The following GLUD1 variants were observed in gnomAD, a reference collection of about 807,000 sequenced individuals.
The protein encoded by GLUD1 is glutamate dehydrogenase 1, also known as glutamate dehydrogenase 1, mitochondrial.
Under a neutral mutation model 56.0 loss-of-function variants are expected in GLUD1, and 22 were observed. The observed-to-expected ratio is 0.39, with a 90% CI of 0.28 to 0.56. The LOEUF (loss-of-function observed/expected upper bound fraction) is 0.56, where lower values mean the gene tolerates loss of function less well. GLUD1 is among the 20% of genes least tolerant of loss of function. The probability of loss-of-function intolerance (pLI) is 0.58; values close to 1 mark genes in which losing one functional copy is unlikely to be tolerated. For missense variants in GLUD1, 451 were observed against 732.0 expected (o/e 0.62, Z 4.43); for synonymous variants, 223 against 269.9 (o/e 0.83, Z 1.70).
intron 9 of GLUD1, among the ~76,000 whole-genome samples, chr10:87,059,476 G>GA (rs35013042): frequency 3.3e-4 from 50 of 150,018 alleles, no homozygotes; most frequent in East Asian, 1.6e-3. Context: ...TTCTATTTAG[G>GA]AAAAAAAAAA....
chr10:87,053,280 T>G, intron 12 of GLUD1, 62 bp downstream of exon 12: 1 of 1,052,398 alleles, frequency 9.5e-7, no homozygotes, highest in Middle Eastern at 2.0e-4. Context: ...GCGGCTGAGA[T>G]AGCATGGTTG....
intron 1 of GLUD1, among the ~76,000 whole-genome samples, chr10:87,077,801 A>G (rs1846440766): frequency 6.6e-6 from 1 of 151,936 alleles, no homozygotes; most frequent in Non-Finnish European, 1.5e-5. Context: ...AAGGATACCC[A>G]CAAGAAGCTG....
intron 1 of GLUD1, among the ~76,000 whole-genome samples, chr10:87,088,339 T>C (rs943691287): frequency 6.6e-6 from 1 of 151,900 alleles, no homozygotes; most frequent in Non-Finnish European, 1.5e-5. Flanking sequence ...AATAAAAAAA[T>C]TCAACTTTGT....
intron 1 of GLUD1, among the ~76,000 whole-genome samples, chr10:87,083,167 T>C (rs1477576874): frequency 6.6e-6 from 1 of 151,280 alleles, no homozygotes; most frequent in East Asian, 1.9e-4. Context: ...GAGCTGAGAT[T>C]GTACCACTGC....
intron 10 of GLUD1, 56 bp downstream of exon 10, chr10:87,059,093 CA>C: frequency 1.2e-6 from 2 of 1,601,886 alleles, no homozygotes; most frequent in South Asian, 2.2e-5. Flanking sequence ...GACCTTTTTA[CA>C]GCCTTTCAGC....
rs201376212 is a variant in GLUD1 at position 87,059,277 on chromosome 10, T to C, written c.1279-4A>G. ...CTCCAGCATTCAAGTAGAGATCCTA[T>C]GCACAAAAATAAGACAAAGAAATTA... On this transcript the variant is annotated splice_region_variant and splice_polypyrimidine_tract_variant and intron_variant, in intron 9 of 12. Coordinates refer to ENST00000277865, the MANE Select transcript of GLUD1 (RefSeq NM_005271.5). The C allele has an allele frequency of 6.2e-7, 1 of 1,613,486 alleles. No homozygotes were observed. The highest frequency in any genetic ancestry group is 2.2e-5 in the East Asian group (1 of 44,858).
chr10:87,077,397 C>T (rs982008572), intron 1 of GLUD1, among the ~76,000 whole-genome samples: 1 of 152,032 alleles, frequency 6.6e-6, no homozygotes, highest in African/African-American at 2.4e-5. Context: ...GAGGTTTTGG[C>T]TTCAAATGGG....
rs2133827434 is a variant in GLUD1, at chr10:87,075,982, G to A, written c.568C>T (p.Pro190Ser). The change falls in exon 3 of 13, where the codon CCC becomes TCC. Residue 190 changes from proline to serine, a missense_variant. Pro to Ser is a moderately conservative substitution (Grantham distance 74). Transcript: ENST00000277865. ...TTCATACTTACAGTATAGTTCTTGG[G>A]ATTGATCTTAACACCAGCTTTAGCA... is the stretch of plus-strand genomic sequence containing the variant. ...GGAKAGVKIN[P>S]KNYTDNELEK... 1.3e-6 allele frequency: 2 copies of A among 1,591,820 alleles called. No homozygotes were observed. The highest frequency in any genetic ancestry group is 2.2e-5 in the East Asian group (1 of 44,822).
At chr10:87,072,454 C>T (rs1446602838) in intron 4 of GLUD1, among the ~76,000 whole-genome samples, 1 of 152,112 alleles carries the variant, frequency 6.6e-6, no homozygotes, top group African/African-American at 2.4e-5. Flanking sequence ...GTGGAATGGG[C>T]AGTCAGGAAA....
intron 1 of GLUD1, among the ~76,000 whole-genome samples, chr10:87,086,210 TC>T (rs1458021659): frequency 6.6e-6 from 1 of 152,190 alleles, no homozygotes; most frequent in Non-Finnish European, 1.5e-5. Context: ...ATTTCCAATT[TC>T]CCTAAGGATA....
rs766896575 is a variant in GLUD1 at position 87,060,785 on chromosome 10, T to C, written c.1100A>G (p.Tyr367Cys). The change falls in exon 8 of 13, where the codon TAT becomes TGT. Residue 367 changes from tyrosine (Y) to cysteine (C), a missense_variant. Transcript: ENST00000277865. ...SILGFPKAKP[Y>C]EGSILEADCD... Reference sequence around the variant, plus strand: ...GTCGGCCTCCAAGATGCTTCCTTCATAGGGCTTTGCCTTGGGGAAGCCCAG... The same window carrying C: ...GTCGGCCTCCAAGATGCTTCCTTCACAGGGCTTTGCCTTGGGGAAGCCCAG... 4.3e-6 allele frequency: 7 copies of C among 1,614,124 alleles called. No individual in the cohort carries two copies. The African/African-American group carries it at 6.7e-5, about 15-fold the overall frequency.
At chr10:87,075,831 T>C (rs1268519630) in intron 3 of GLUD1, 137 bp downstream of exon 3, 5 of 707,116 alleles carry the variant, frequency 7.1e-6, no homozygotes, top group Non-Finnish European at 1.3e-5. Flanking sequence ...GGAGAACTGC[T>C]TGAACCCGGG....
chr10:87,071,174 T>A (rs1432053781), intron 4 of GLUD1, among the ~76,000 whole-genome samples: 1 of 151,840 alleles, frequency 6.6e-6, no homozygotes, highest in Non-Finnish European at 1.5e-5. Flanking sequence ...GAATAACAGA[T>A]ATATTCTTTT....
intron 1 of GLUD1, among the ~76,000 whole-genome samples, chr10:87,087,317 G>A (rs919942668): frequency 1.3e-5 from 2 of 152,158 alleles, no homozygotes; most frequent in Non-Finnish European, 2.9e-5. Flanking sequence ...CAACCTGGAA[G>A]CTCTCTGAAC....
chr10:87,073,051 A>G (rs1362296808), intron 4 of GLUD1, among the ~76,000 whole-genome samples: 2 of 152,262 alleles, frequency 1.3e-5, no homozygotes, highest in Non-Finnish European at 1.5e-5. Context: ...GTCAAGTTTT[A>G]GAGTTACCTA....
chr10:87,052,431 T>C (rs1845658682), intron 12 of GLUD1, among the ~76,000 whole-genome samples: 1 of 152,052 alleles, frequency 6.6e-6, no homozygotes, highest in Non-Finnish European at 1.5e-5. Context: ...GTGGTTGCAG[T>C]GAGCAGAGAT....
At chr10:87,057,811 A>T in intron 10 of GLUD1, 29 bp from the exon 11 acceptor site, 7 of 979,638 alleles carry the variant, frequency 7.1e-6, no homozygotes, top group Non-Finnish European at 1.1e-5. Flanking sequence ...AGATCAAGAT[A>T]TTGCTAACAG....
chr10:87,065,075 T>C (rs924266740), intron 5 of GLUD1, among the ~76,000 whole-genome samples: 22 of 152,132 alleles, frequency 1.4e-4, no homozygotes, highest in Middle Eastern at 3.4e-3. Flanking sequence ...TTCACCAGTA[T>C]AGTTGCTTCA....
At chr10:87,071,053 C>T (rs568952315) in intron 4 of GLUD1, among the ~76,000 whole-genome samples, 40 of 151,678 alleles carry the variant, frequency 2.6e-4, no homozygotes, top group Non-Finnish European at 4.6e-4. Flanking sequence ...GGCGTGAACC[C>T]GGGAGGCGGA....
Sources: allele counts gnomAD v4.1 joint callset (sites outside exome capture counted in the v4.1 genomes callset), GRCh38; gene constraint gnomAD v4.1.1; transcripts MANE v1.5; gene names NCBI Gene and HGNC (gene_info 2026-07-23, HGNC 2026-07-21).